KLF8: variants seen among roughly 807,000 people sequenced by gnomAD.
KLF8 encodes KLF transcription factor 8.
In KLF8, 10 loss-of-function variants were observed where a neutral mutation model predicts 18.2. The ratio of observed to expected loss-of-function variants is 0.55; its 90% CI spans 0.34 to 0.93. The LOEUF (loss-of-function observed/expected upper bound fraction) is 0.93, where lower values mean the gene tolerates loss of function less well. KLF8 is among the 40% of genes least tolerant of loss of function. The probability of loss-of-function intolerance (pLI) is 0.02; values close to 1 mark genes in which losing one functional copy is unlikely to be tolerated. For missense variants in KLF8, 264 were observed against 277.9 expected, an observed-to-expected ratio of 0.95 and a Z score of 0.36; for synonymous variants, 109 against 97.3, an observed-to-expected ratio of 1.12 and a Z score of -0.71.
chrX:55,952,950 G>T, the KLF8 span, among the ~76,000 whole-genome samples: 2 of 111,823 alleles, frequency 1.8e-5, no homozygotes, highest in African/African-American at 6.5e-5. Context: ...CATAGAGATT[G>T]TGATTTGCTC....
the KLF8 span, among the ~76,000 whole-genome samples, chrX:55,995,556 C>A: frequency 1.8e-5 from 2 of 112,039 alleles, no homozygotes; most frequent in Non-Finnish European, 3.8e-5. Context: ...CCTAATGGAC[C>A]TCTTGTAAAC....
At chrX:56,221,645 G>C in the KLF8 span, among the ~76,000 whole-genome samples, 9 of 110,916 alleles carry the variant, frequency 8.1e-5, no homozygotes, top group African/African-American at 3.0e-4. Flanking sequence ...GAGTGTTACA[G>C]CTCTTAATGT....
At chrX:55,912,414 T>C in the KLF8 span, among the ~76,000 whole-genome samples, 1 of 111,534 alleles carries the variant, frequency 9.0e-6, no homozygotes, top group African/African-American at 3.3e-5. Context: ...AGAATCCCCA[T>C]TCCCATTCCC....
chrX:56,174,009 G>A, the KLF8 span, among the ~76,000 whole-genome samples: 1 of 111,843 alleles, frequency 8.9e-6, no homozygotes, highest in Admixed American at 9.5e-5. Flanking sequence ...AGACGATGGG[G>A]TTTTCTAGAT....
chrX:56,161,407 A>G, the KLF8 span, among the ~76,000 whole-genome samples: 3 of 111,768 alleles, frequency 2.7e-5, no homozygotes, highest in African/African-American at 9.8e-5. Context: ...AGGTACACCA[A>G]CGAGACTTAG....
chrX:56,035,392 A>C, the KLF8 span, among the ~76,000 whole-genome samples: 1 of 112,042 alleles, frequency 8.9e-6, no homozygotes, highest in Non-Finnish European at 1.9e-5. Context: ...GGTCAATTCC[A>C]TACCCTGGCT....
chrX:56,074,174 G>A, the KLF8 span, among the ~76,000 whole-genome samples: 5 of 112,138 alleles, frequency 4.5e-5, no homozygotes, highest in South Asian at 3.7e-4. Context: ...TATTATTTAC[G>A]TATTCTGAAT....
chrX:55,940,600 A>T, the KLF8 span, among the ~76,000 whole-genome samples: 1 of 111,933 alleles, frequency 8.9e-6, no homozygotes, highest in Non-Finnish European at 1.9e-5. Context: ...CCCTGTTTGC[A>T]GATGACATGA....
the KLF8 span, among the ~76,000 whole-genome samples, chrX:56,110,501 T>G: frequency 8.9e-6 from 1 of 112,069 alleles, no homozygotes; most frequent in African/African-American, 3.2e-5. Context: ...ATACTGTATT[T>G]GTTTTCTGTA....
At chrX:56,146,448 AAACT>A in the KLF8 span, among the ~76,000 whole-genome samples, 1 of 111,661 alleles carries the variant, frequency 9.0e-6, no homozygotes, top group African/African-American at 3.3e-5. Context: ...CATTCTCAGG[AAACT>A]AACACAAGAA....
At chrX:55,967,578 A>C in the KLF8 span, among the ~76,000 whole-genome samples, 1 of 111,654 alleles carries the variant, frequency 9.0e-6, no homozygotes, top group East Asian at 2.8e-4. Context: ...GAGGGATTTC[A>C]CCAACACCAG....
chrX:55,965,156 A>G, the KLF8 span, among the ~76,000 whole-genome samples: 31 of 112,052 alleles, frequency 2.8e-4, no homozygotes, highest in East Asian at 2.8e-4. Context: ...CCTCAACAAA[A>G]TCAAATTAAC....
chrX:56,064,121 G>GTA, the KLF8 span, among the ~76,000 whole-genome samples: 2 of 103,234 alleles, frequency 1.9e-5, no homozygotes, highest in East Asian at 2.9e-4. Flanking sequence ...GTATGTGTGT[G>GTA]TATATATATG....
the KLF8 span, among the ~76,000 whole-genome samples, chrX:56,052,811 T>G: frequency 8.9e-6 from 1 of 112,030 alleles, no homozygotes. Flanking sequence ...TGGAGCTTCC[T>G]GGCTGCTTTG....
At chrX:55,976,524 T>C in the KLF8 span, among the ~76,000 whole-genome samples, 1 of 110,473 alleles carries the variant, frequency 9.1e-6, no homozygotes, top group Non-Finnish European at 1.9e-5. Flanking sequence ...ATCTACGTTG[T>C]CACAAATAAC....
the KLF8 span, among the ~76,000 whole-genome samples, chrX:56,079,886 T>C: frequency 4.5e-5 from 5 of 111,736 alleles, no homozygotes; most frequent in South Asian, 3.8e-4. Flanking sequence ...TGAATTGATC[T>C]CTTTACCATT....
the KLF8 span, among the ~76,000 whole-genome samples, chrX:56,077,545 C>T: frequency 1.8e-5 from 2 of 111,909 alleles, no homozygotes; most frequent in Non-Finnish European, 3.8e-5. Flanking sequence ...GTTACTGTAG[C>T]CTTGTAGTAT....
At chrX:56,161,714 A>G in the KLF8 span, among the ~76,000 whole-genome samples, 1 of 111,147 alleles carries the variant, frequency 9.0e-6, no homozygotes, top group African/African-American at 3.3e-5. Flanking sequence ...CATGGGTTTG[A>G]ACTTCCTCCT....
the KLF8 span, among the ~76,000 whole-genome samples, chrX:55,943,334 C>A: frequency 9.1e-6 from 1 of 110,274 alleles, no homozygotes; most frequent in Admixed American, 9.8e-5. Context: ...CAACACGGTA[C>A]TAGATTAGAT....
Sources: allele counts gnomAD v4.1 joint callset (sites outside exome capture counted in the v4.1 genomes callset), GRCh38; gene constraint gnomAD v4.1.1; transcripts MANE v1.5; gene names NCBI Gene and HGNC (gene_info 2026-07-23, HGNC 2026-07-21).